Variants in TARBP1 observed in about 807,000 individuals in gnomAD.
TARBP1 encodes tRNA (guanosine(18)-2'-O)-methyltransferase TARBP1.
A neutral mutation model predicts 178.6 loss-of-function variants in TARBP1; 144 were observed. The observed-to-expected ratio is 0.81, with a 90% CI of 0.70 to 0.93. TARBP1 has a LOEUF of 0.93. Among genes scored for constraint, TARBP1 ranks in the 40% least tolerant of loss-of-function variants. TARBP1 has a pLI of 0.00. For synonymous variants in TARBP1, 787 were observed against 781.0 expected, an observed-to-expected ratio of 1.01 and a Z score of -0.13; for missense variants, 2,067 against 2,011.7, an observed-to-expected ratio of 1.03 and a Z score of -0.53.
At chr1:234,428,456 AC>A (rs1452759546) in intron 17 of TARBP1, among the ~76,000 whole-genome samples, 1 of 152,136 alleles carries the variant, frequency 6.6e-6, no homozygotes, top group Non-Finnish European at 1.5e-5. Context: ...CTCCTACTCA[AC>A]CGAGCGATCA....
At chr1:234,461,990 C>G (rs1667904901) in intron 6 of TARBP1, among the ~76,000 whole-genome samples, 1 of 152,190 alleles carries the variant, frequency 6.6e-6, no homozygotes, top group Non-Finnish European at 1.5e-5. Flanking sequence ...ATTCAGAACA[C>G]CCAGAAGATA....
rs749311928 is a variant in TARBP1, at chr1:234,463,936, TACAA to T, written c.1302-6_1302-3del. The T allele has an allele frequency of 2.2e-5, 35 of 1,561,618 alleles. No homozygotes were observed. Among genetic ancestry groups the T allele is most frequent in the Non-Finnish European group, 2.9e-5 (34 of 1,155,114 alleles). On this transcript the variant is annotated splice_polypyrimidine_tract_variant and splice_region_variant and intron_variant, in intron 5 of 29. Transcript: ENST00000040877. ...CTTCCTATTGGCTGGCCTGGGGACC[TACAA>T]ACAGAGAGTGGGGAAAACAAATATT...
chr1:234,461,393 C>T (rs755267756), intron 6 of TARBP1, among the ~76,000 whole-genome samples: 3 of 152,150 alleles, frequency 2.0e-5, no homozygotes, highest in Non-Finnish European at 2.9e-5. Context: ...CTACAACCTC[C>T]ACCTCCTGGG....
At chr1:234,461,428 C>T (rs959110469) in intron 6 of TARBP1, among the ~76,000 whole-genome samples, 1 of 152,182 alleles carries the variant, frequency 6.6e-6, no homozygotes, top group Non-Finnish European at 1.5e-5. Context: ...CTGCCTCAGC[C>T]TCCTGAGTAG....
intron 12 of TARBP1, among the ~76,000 whole-genome samples, chr1:234,446,048 ATATTTTT>A (rs1666138768): frequency 7.3e-6 from 1 of 137,674 alleles, no homozygotes; most frequent in Non-Finnish European, 1.6e-5. Flanking sequence ...TTATAAAAAA[ATATTTTT>A]TATATTTCAT....
chr1:234,418,031 T>C (rs112148033), intron 22 of TARBP1, 53 bp downstream of exon 22: 2 of 1,066,558 alleles, frequency 1.9e-6, no homozygotes, highest in African/African-American at 1.7e-5. Flanking sequence ...TCTCCCAGCA[T>C]TGTCAAAATC....
rs997657085 is a variant in TARBP1 at position 234,429,773 on chromosome 1, G to A, written c.2610-96C>T. The A allele has an allele frequency of 3.9e-6, 5 of 1,298,042 alleles. No individual in the cohort carries two copies. In the South Asian group the frequency reaches 4.3e-5, roughly 11 times the overall value. 80.4% of individuals were successfully genotyped at this position (1,298,042 alleles called of 1,614,324 possible). ...CTATCCTTTCTAAAGGTGGGGGGGGGGGGGCAGTGTACAGATATAAATGGT... is the reference window on the plus strand; with the variant it reads ...CTATCCTTTCTAAAGGTGGGGGGGGAGGGGCAGTGTACAGATATAAATGGT... On this transcript the variant is annotated intron_variant, in intron 15 of 29. Coordinates refer to ENST00000040877, the MANE Select transcript of TARBP1 (RefSeq NM_005646.4).
At chr1:234,466,434 T>C (rs1668442675) in intron 4 of TARBP1, among the ~76,000 whole-genome samples, 1 of 151,896 alleles carries the variant, frequency 6.6e-6, no homozygotes, top group South Asian at 2.1e-4. Flanking sequence ...ATCCCTTAAA[T>C]CTGGGAGGCA....
chr1:234,410,194 C>T (rs936240601), intron 23 of TARBP1, among the ~76,000 whole-genome samples: 6 of 152,252 alleles, frequency 3.9e-5, no homozygotes, highest in African/African-American at 1.4e-4. Context: ...CAAGTATCAA[C>T]AAAAACTTAC....
intron 28 of TARBP1, 126 bp downstream of exon 28, chr1:234,393,236 A>G (rs940784998): frequency 4.4e-5 from 46 of 1,037,976 alleles, no homozygotes; most frequent in Non-Finnish European, 6.4e-6. Flanking sequence ...GGACTAATAC[A>G]CAAAGATAGA....
In TARBP1 at chr1:234,478,407, G is replaced by A; in HGVS notation, c.697C>T (p.Leu233=). 1 of 1,376,040 alleles carries A rather than the reference G, an allele frequency of 7.3e-7. No homozygotes were observed. The highest frequency in any genetic ancestry group is 9.4e-7 in the Non-Finnish European group (1 of 1,060,054). 85.2% of individuals were successfully genotyped at this position (1,376,040 alleles called of 1,614,324 possible). The change falls in exon 1 of 30, where the codon CTG becomes TTG. Residue 233 remains leucine, a synonymous_variant. Transcript: ENST00000040877. ...AACAGCTTCTCGGCCAGGGCGCTCA[G>A]GACCAGCAGCTTCTCCTCTACGCGG... ...SGRVEEKLLV[L]SALAEKLLPE...
intron 21 of TARBP1, among the ~76,000 whole-genome samples, chr1:234,418,947 C>T (rs1572260996): frequency 1.3e-5 from 2 of 152,126 alleles, no homozygotes; most frequent in Middle Eastern, 3.4e-3. Flanking sequence ...CCGAGGCGGG[C>T]GGATCACAAG....
intron 19 of TARBP1, among the ~76,000 whole-genome samples, chr1:234,426,344 A>G (rs1286894650): frequency 4.6e-5 from 7 of 152,228 alleles, no homozygotes; most frequent in African/African-American, 1.7e-4. Context: ...ATTTCATTAT[A>G]ATTGTTATAA....
chr1:234,423,740 T>G (rs1663376587), intron 20 of TARBP1, among the ~76,000 whole-genome samples: 1 of 149,398 alleles, frequency 6.7e-6, no homozygotes, highest in Admixed American at 6.9e-5. Context: ...CCTCTCTCTT[T>G]TTTCTGAATT....
intron 3 of TARBP1, among the ~76,000 whole-genome samples, chr1:234,470,965 G>A (rs1210382324): frequency 3.3e-5 from 5 of 151,982 alleles, no homozygotes; most frequent in Non-Finnish European, 7.4e-5. Flanking sequence ...GATGCATATA[G>A]TTATTATGCT....
intron 25 of TARBP1, chr1:234,400,128 C>G (rs575103879): frequency 2.0e-5 from 3 of 151,452 alleles, no homozygotes; most frequent in Non-Finnish European, 4.4e-5. Context: ...TACACATACA[C>G]CTTTAATTCA....
At position 234,450,103 on chromosome 1, in the gene TARBP1, A is replaced by G. The variant is rs546310300; in HGVS notation, c.1861+325T>C. On this transcript the variant is annotated intron_variant, in intron 10 of 29. Coordinates refer to ENST00000040877, the MANE Select transcript of TARBP1 (RefSeq NM_005646.4). The stretch of plus-strand genomic sequence containing the variant: ...TTTCCACTACAGAGGCTCCAAAACC[A>G]TATCTGCAGTATCTAGTTCACAAGG... 2.1e-3 allele frequency among the ~76,000 whole-genome samples: 320 copies of G among 152,290 alleles called. 4 individuals are homozygous for G. The highest frequency in any genetic ancestry group is 7.2e-3 in the African/African-American group (301 of 41,572).
rs1475438176 is a variant in TARBP1, at chr1:234,478,936, C to T, written c.168G>A (p.Ala56=). 1.4e-6 allele frequency: 2 copies of T among 1,441,180 alleles called. No individual in the cohort carries two copies. Among genetic ancestry groups the T allele is most frequent in the Middle Eastern group, 2.5e-4 (1 of 4,048 alleles). The allele number at this position is 1,441,180 out of a possible 1,614,324, so 89.3% of individuals were successfully genotyped here. A position where few individuals can be genotyped will look rare whatever the true frequency, so the allele number is the denominator to read the frequency against. The change falls in exon 1 of 30, where the codon GCG becomes GCA. Residue 56 remains alanine, a synonymous_variant. Coordinates refer to ENST00000040877, the MANE Select transcript of TARBP1 (RefSeq NM_005646.4). ...EEARGSGGAG[A]LPEAAREVAA... is the part of the protein sequence containing the mutation. ...CCACCTCGCGCGCCGCCTCCGGGAG[C>T]GCGCCTGCGCCCCCGCTGCCGCGCG...
intron 24 of TARBP1, among the ~76,000 whole-genome samples, chr1:234,404,851 A>C (rs1202673572): frequency 6.6e-6 from 1 of 152,170 alleles, no homozygotes; most frequent in Non-Finnish European, 1.5e-5. Context: ...GTATTTATCA[A>C]ATATCTTTCT....
Sources: gnomAD v4.1 joint callset for allele counts (sites outside exome capture counted in the v4.1 genomes callset) on GRCh38, gnomAD v4.1.1 for gene constraint, MANE v1.5 for transcripts, NCBI Gene and HGNC (gene_info 2026-07-23, HGNC 2026-07-21) for gene names.